Variants in DLGAP1 observed in about 807,000 individuals in gnomAD.
DLGAP1 encodes disks large-associated protein 1.
Under a neutral mutation model 90.8 loss-of-function variants are expected in DLGAP1, and 11 were observed. The ratio of observed to expected loss-of-function variants is 0.12; its 90% confidence interval spans 0.08 to 0.20. The LOEUF is 0.20. DLGAP1 is among the 10% of genes least tolerant of loss of function. The pLI, the probability that DLGAP1 is intolerant of heterozygous loss-of-function variation, is 1.00. For missense variants in DLGAP1, 1,050 were observed against 1,333.8 expected, an observed-to-expected ratio of 0.79 and a Z score of 3.31; for synonymous variants, 558 against 540.7, an observed-to-expected ratio of 1.03 and a Z score of -0.44.
At chr18:4,262,039 T>A (rs2079014013) in intron 1 of DLGAP1, among the ~76,000 whole-genome samples, 1 of 152,214 alleles carries the variant, frequency 6.6e-6, no homozygotes, top group South Asian at 2.1e-4. Context: ...ATTAGATCGT[T>A]AGGTACTTTC....
At chr18:4,288,758 G>A (rs989333488) in intron 1 of DLGAP1, among the ~76,000 whole-genome samples, 4 of 152,096 alleles carry the variant, frequency 2.6e-5, no homozygotes, top group South Asian at 2.1e-4. Flanking sequence ...CTTGCTGCTC[G>A]GCTCATCATC....
intron 1 of DLGAP1, among the ~76,000 whole-genome samples, chr18:4,264,425 TCCTTGATGATCTGTCA>T (rs939525922): frequency 1.3e-5 from 2 of 152,236 alleles, no homozygotes; most frequent in African/African-American, 4.8e-5. Flanking sequence ...TTTCTCTTAA[TCCTTGATGATCTGTCA>T]GTAGCTAGAT....
At chr18:4,377,928 G>T (rs1281631952) in intron 1 of DLGAP1, among the ~76,000 whole-genome samples, 1 of 151,646 alleles carries the variant, frequency 6.6e-6, no homozygotes, top group Non-Finnish European at 1.5e-5. Flanking sequence ...AAGAATGTTT[G>T]TTACATTAAT....
chr18:4,438,993 A>G (rs571663490), intron 1 of DLGAP1, among the ~76,000 whole-genome samples: 11 of 152,342 alleles, frequency 7.2e-5, no homozygotes, highest in African/African-American at 2.4e-4. Context: ...CGTTAGGAAG[A>G]GGAGGAACTT....
chr18:3,818,738 G>C (rs1780187760), intron 4 of DLGAP1, among the ~76,000 whole-genome samples: 1 of 151,662 alleles, frequency 6.6e-6, no homozygotes, highest in African/African-American at 2.4e-5. Context: ...TGGGACTACA[G>C]ATGCCCGCCA....
chr18:4,030,189 C>T (rs192765528), intron 2 of DLGAP1, among the ~76,000 whole-genome samples: 13 of 152,214 alleles, frequency 8.5e-5, no homozygotes, highest in Admixed American at 2.6e-4. Context: ...GATGGGGTTT[C>T]ACCATGTTGG....
intron 1 of DLGAP1, among the ~76,000 whole-genome samples, chr18:4,244,332 A>C (rs915714227): frequency 7.2e-5 from 11 of 152,176 alleles, no homozygotes; most frequent in African/African-American, 2.7e-4. Context: ...ACCAAAAATT[A>C]CATTTAATAT....
At chr18:3,898,225 C>G (rs1332629322) in intron 3 of DLGAP1, among the ~76,000 whole-genome samples, 1 of 152,148 alleles carries the variant, frequency 6.6e-6, no homozygotes, top group East Asian at 1.9e-4. Context: ...TGTTGGTGCT[C>G]AAAAAGCTTT....
At position 4,334,169 on chromosome 18, in the gene DLGAP1, C is replaced by T. The variant is rs867402432; in HGVS notation, c.-267+120837G>A. On this transcript the variant is annotated intron_variant, in intron 1 of 12. Transcript: ENST00000315677. The stretch of plus-strand genomic sequence containing the variant: ...AGGAGACTTGCTTGAACCCGGGAGG[C>T]AGAGGTTGTGGTGAGCCGAGATCGC... Among the ~76,000 whole-genome samples the T allele has an allele frequency of 4.2e-4, 63 of 151,630 alleles. 4 individuals are homozygous for T. The highest frequency in any genetic ancestry group is 1.5e-3 in the African/African-American group (63 of 41,124).
chr18:3,956,679 C>T (rs896985272), intron 3 of DLGAP1, among the ~76,000 whole-genome samples: 2 of 152,098 alleles, frequency 1.3e-5, no homozygotes, highest in Non-Finnish European at 2.9e-5. Flanking sequence ...CAGGGTCTCG[C>T]TCTGTCACCC....
chr18:4,111,546 CT>C (rs1300600735), intron 2 of DLGAP1, among the ~76,000 whole-genome samples: 1 of 152,140 alleles, frequency 6.6e-6, no homozygotes, highest in Non-Finnish European at 1.5e-5. Context: ...GTGAAGTCAT[CT>C]GAACTATGGA....
At chr18:4,412,075 C>T (rs183100923) in intron 1 of DLGAP1, among the ~76,000 whole-genome samples, 4 of 152,210 alleles carry the variant, frequency 2.6e-5, no homozygotes, top group South Asian at 2.1e-4. Context: ...TCCTTAGTAT[C>T]GTGTAAAGAT....
chr18:3,997,586 G>A (rs1321860346), intron 3 of DLGAP1, among the ~76,000 whole-genome samples: 2 of 151,848 alleles, frequency 1.3e-5, no homozygotes, highest in African/African-American at 2.4e-5. Flanking sequence ...ATGTTCCTCT[G>A]TCCAGTGTAT....
At chr18:3,752,737 G>C (rs1452777749) in intron 5 of DLGAP1, among the ~76,000 whole-genome samples, 2 of 149,902 alleles carry the variant, frequency 1.3e-5, no homozygotes, top group African/African-American at 4.9e-5. Flanking sequence ...CCAACTCCTG[G>C]GCCTAAACAA....
At chr18:3,709,101 C>T (rs1268601155) in intron 7 of DLGAP1, among the ~76,000 whole-genome samples, 1 of 152,160 alleles carries the variant, frequency 6.6e-6, no homozygotes, top group Admixed American at 6.5e-5. Context: ...GTGGAAAAAA[C>T]ATAGTCCTTC....
chr18:3,555,967 T>A (rs1432975133), intron 9 of DLGAP1, among the ~76,000 whole-genome samples: 1 of 152,156 alleles, frequency 6.6e-6, no homozygotes, highest in Non-Finnish European at 1.5e-5. Context: ...ACTTCTTTCT[T>A]TAGAGAGATT....
chr18:4,043,956 G>A (rs910928652), intron 2 of DLGAP1, among the ~76,000 whole-genome samples: 15 of 152,158 alleles, frequency 9.9e-5, no homozygotes, highest in South Asian at 2.1e-4. Flanking sequence ...ATTGTGTAAC[G>A]AAGACAGACC....
chr18:4,408,559 C>A (rs2082712136), intron 1 of DLGAP1, among the ~76,000 whole-genome samples: 1 of 151,774 alleles, frequency 6.6e-6, no homozygotes, highest in Admixed American at 6.6e-5. Flanking sequence ...AGGGATATGG[C>A]ATACGAGACG....
intron 3 of DLGAP1, among the ~76,000 whole-genome samples, chr18:3,951,196 A>T (rs1242576717): frequency 1.3e-5 from 2 of 152,250 alleles, no homozygotes; most frequent in Non-Finnish European, 2.9e-5. Context: ...TAACCAGAAC[A>T]AAATTAGCAA....
Sources: allele counts gnomAD v4.1 joint callset (sites outside exome capture counted in the v4.1 genomes callset), GRCh38; gene constraint gnomAD v4.1.1; transcripts MANE v1.5; gene names NCBI Gene and HGNC (gene_info 2026-07-23, HGNC 2026-07-21).